LCA5: variants seen among roughly 807,000 people sequenced by gnomAD.
LCA5 encodes lebercilin LCA5, also known as lebercilin.
Under a neutral mutation model 53.0 loss-of-function variants are expected in LCA5, and 37 were observed. The observed-to-expected ratio is 0.70, with a 90% CI of 0.54 to 0.92. The LOEUF is 0.92. Among genes scored for constraint, LCA5 ranks in the 40% least tolerant of loss-of-function variants. LCA5 has a pLI of 0.00. For synonymous variants in LCA5, 303 were observed against 282.9 expected (o/e 1.07, Z -0.71); for missense variants, 806 against 790.5 (o/e 1.02, Z -0.23).
chr6:79,493,642 C>T lies in LCA5; in HGVS notation c.829G>A (p.Glu277Lys), dbSNP rs375707128. ...AATTTGTGATATAGTCGCTGTACCT[C>T]CTTTTGAAGAACTTTATTTTCATCA... ...AHDENKVLQKEVQRLYHKLKE... is the reference protein window; with the variant it reads ...AHDENKVLQKKVQRLYHKLKE... The change falls in exon 4 of 8, where the codon GAG (glutamate) becomes AAG (lysine). Residue 277 changes from glutamate (E) to lysine (K), a missense_variant. Glu to Lys is a moderately conservative substitution (Grantham distance 56). Coordinates refer to ENST00000369846, the MANE Select transcript of LCA5 (RefSeq NM_001122769.3). 1.6e-5 allele frequency: 26 copies of T among 1,613,504 alleles called. No homozygotes were observed. The African/African-American group carries it at 1.9e-4, about 12-fold the overall frequency.
At chr6:79,535,020 T>G (rs1369871743) in intron 1 of LCA5, among the ~76,000 whole-genome samples, 1 of 152,188 alleles carries the variant, frequency 6.6e-6, no homozygotes, top group Non-Finnish European at 1.5e-5. Flanking sequence ...TTCTATAATC[T>G]TTCTTACATT....
At chr6:79,504,345 A>G (rs970861523) in intron 3 of LCA5, among the ~76,000 whole-genome samples, 1 of 152,232 alleles carries the variant, frequency 6.6e-6, no homozygotes, top group African/African-American at 2.4e-5. Context: ...CTTTAGACAC[A>G]TTAGCAGAGT....
At chr6:79,515,141 A>C (rs1479621239) in intron 2 of LCA5, among the ~76,000 whole-genome samples, 1 of 152,148 alleles carries the variant, frequency 6.6e-6, no homozygotes, top group Non-Finnish European at 1.5e-5. Flanking sequence ...CAAATTTATC[A>C]CTTAACTCTC....
chr6:79,502,844 A>G (rs1770178348), intron 3 of LCA5, among the ~76,000 whole-genome samples: 1 of 152,040 alleles, frequency 6.6e-6, no homozygotes, highest in Admixed American at 6.6e-5. Context: ...ACTCCCACAC[A>G]TGAGCTTCTA....
At chr6:79,515,457 T>A (rs1248026848) in intron 2 of LCA5, among the ~76,000 whole-genome samples, 1 of 152,102 alleles carries the variant, frequency 6.6e-6, no homozygotes, top group Non-Finnish European at 1.5e-5. Flanking sequence ...ACATTTTAAA[T>A]CACAACATTT....
At chr6:79,517,736 C>T (rs986431340) in intron 2 of LCA5, among the ~76,000 whole-genome samples, 3 of 152,062 alleles carry the variant, frequency 2.0e-5, no homozygotes, top group African/African-American at 4.8e-5. Context: ...TTTTAATAAG[C>T]GAATATTATT....
chr6:79,489,924 C>G (rs983262606), intron 6 of LCA5, among the ~76,000 whole-genome samples: 1 of 152,088 alleles, frequency 6.6e-6, no homozygotes, highest in Non-Finnish European at 1.5e-5. Flanking sequence ...AGTGGAAGTA[C>G]ATGTGCAACT....
intron 1 of LCA5, among the ~76,000 whole-genome samples, chr6:79,528,019 G>C (rs1439681122): frequency 1.3e-5 from 2 of 152,098 alleles, no homozygotes; most frequent in Admixed American, 6.5e-5. Flanking sequence ...GGGTCGAATG[G>C]GTCAAATTTT....
chr6:79,497,499 T>C (rs776927892), intron 3 of LCA5, among the ~76,000 whole-genome samples: 28 of 152,130 alleles, frequency 1.8e-4, no homozygotes, highest in Non-Finnish European at 8.8e-5. Flanking sequence ...AAATACGAAG[T>C]TAAGGATATT....
At chr6:79,490,815 C>G (rs975555537) in intron 6 of LCA5, among the ~76,000 whole-genome samples, 4 of 151,978 alleles carry the variant, frequency 2.6e-5, no homozygotes, top group Non-Finnish European at 5.9e-5. Context: ...ATGAAATATG[C>G]TAGGTTGCCG....
intron 3 of LCA5, among the ~76,000 whole-genome samples, chr6:79,502,698 A>C (rs560555170): frequency 2.6e-5 from 4 of 152,304 alleles, no homozygotes; most frequent in African/African-American, 9.6e-5. Context: ...CTGTCATTTA[A>C]AACTATGAAA....
At chr6:79,531,213 G>GT (rs1192486323) in intron 1 of LCA5, among the ~76,000 whole-genome samples, 1 of 152,138 alleles carries the variant, frequency 6.6e-6, no homozygotes, top group Non-Finnish European at 1.5e-5. Flanking sequence ...ACCTCCACCT[G>GT]TATCTATCCC....
intron 1 of LCA5, among the ~76,000 whole-genome samples, chr6:79,533,634 T>C (rs1401802438): frequency 7.0e-6 from 1 of 142,772 alleles, no homozygotes; most frequent in Non-Finnish European, 1.5e-5. Context: ...ACATAACAGG[T>C]CAAAAAAAAA....
At chr6:79,506,620 TATTAGCCGA>T (rs1770278941) in intron 3 of LCA5, among the ~76,000 whole-genome samples, 3 of 152,200 alleles carry the variant, frequency 2.0e-5, no homozygotes, top group African/African-American at 7.2e-5. Flanking sequence ...AGAAACTGCA[TATTAGCCGA>T]ATTACTAATG....
intron 1 of LCA5, among the ~76,000 whole-genome samples, chr6:79,522,793 C>T (rs1421600282): frequency 6.6e-6 from 1 of 152,072 alleles, no homozygotes; most frequent in Non-Finnish European, 1.5e-5. Context: ...CTCAGGCAAT[C>T]CTCCCACCTC....
chr6:79,491,498 T>G (rs1769840523), intron 6 of LCA5, 90 bp downstream of exon 6: 1 of 1,336,002 alleles, frequency 7.5e-7, no homozygotes. Flanking sequence ...TAGTACTAGC[T>G]TCATTACTGA....
rs981100302 is a variant in LCA5, at chr6:79,509,747, A to T, written c.720+3465T>A. On this transcript the variant is annotated intron_variant, in intron 3 of 7. Coordinates refer to ENST00000369846, the MANE Select transcript of LCA5 (RefSeq NM_001122769.3). The stretch of plus-strand genomic sequence containing the variant: ...ATTTTCTAATTCAGTAAGAATTGAG[A>T]GCATTTTAAAATTGCTCCAAAGGAA... Among the ~76,000 whole-genome samples, 3 of 152,202 alleles carry T rather than the reference A, an allele frequency of 2.0e-5. No individual in the cohort carries two copies. The East Asian group carries it at 5.8e-4, about 29-fold the overall frequency.
intron 1 of LCA5, among the ~76,000 whole-genome samples, chr6:79,529,827 C>T (rs1766903147): frequency 6.6e-6 from 1 of 151,512 alleles, no homozygotes; most frequent in African/African-American, 2.4e-5. Context: ...AGGTGGATAC[C>T]ATCATTCTCA....
chr6:79,522,805 T>G (rs1008442413), intron 1 of LCA5, among the ~76,000 whole-genome samples: 1 of 152,066 alleles, frequency 6.6e-6, no homozygotes, highest in African/African-American at 2.4e-5. Context: ...TCCCACCTCC[T>G]GAGTAGCCAG....
Sources: gnomAD v4.1 joint callset for allele counts (sites outside exome capture counted in the v4.1 genomes callset) on GRCh38, gnomAD v4.1.1 for gene constraint, MANE v1.5 for transcripts, NCBI Gene and HGNC (gene_info 2026-07-23, HGNC 2026-07-21) for gene names.